SMYD2: variants seen among roughly 807,000 people sequenced by gnomAD.
SMYD2 encodes SET and MYND domain containing 2.
In SMYD2, 53 loss-of-function variants were observed where a neutral mutation model predicts 59.1. The observed-to-expected ratio is 0.90, with a 90% CI of 0.72 to 1.13. SMYD2 has a LOEUF of 1.13. SMYD2 is among the 50% of genes most tolerant of loss of function. The pLI is 0.00. For synonymous variants in SMYD2, 208 were observed against 198.8 expected (o/e 1.05, Z -0.39); for missense variants, 494 against 544.7 (o/e 0.91, Z 0.93).
intron 3 of SMYD2, among the ~76,000 whole-genome samples, chr1:214,316,449 C>G (rs777256250): frequency 6.6e-6 from 1 of 151,936 alleles, no homozygotes; most frequent in Admixed American, 6.6e-5. Context: ...CCACCATACT[C>G]CATCCAGCCT....
chr1:214,300,555 G>A (rs779074384), intron 1 of SMYD2, among the ~76,000 whole-genome samples: 29 of 152,138 alleles, frequency 1.9e-4, no homozygotes, highest in African/African-American at 5.8e-4. Flanking sequence ...CACTGGAGCC[G>A]GGGCATTATG....
At chr1:214,300,357 A>G (rs1656801918) in intron 1 of SMYD2, among the ~76,000 whole-genome samples, 1 of 152,166 alleles carries the variant, frequency 6.6e-6, no homozygotes, top group South Asian at 2.1e-4. Flanking sequence ...GGGACCTTCT[A>G]TGTACACAAT....
At chr1:214,335,829 G>A (rs1571937426) in intron 11 of SMYD2, among the ~76,000 whole-genome samples, 1 of 152,266 alleles carries the variant, frequency 6.6e-6, no homozygotes, top group South Asian at 2.1e-4. Flanking sequence ...ATGTTACATT[G>A]CCTCACTATA....
At chr1:214,291,772 C>T (rs1487101826) in intron 1 of SMYD2, among the ~76,000 whole-genome samples, 1 of 152,082 alleles carries the variant, frequency 6.6e-6, no homozygotes, top group Non-Finnish European at 1.5e-5. Context: ...GAGAGAGCTT[C>T]GATCAGATAC....
intron 1 of SMYD2, among the ~76,000 whole-genome samples, chr1:214,288,481 C>T (rs2102453096): frequency 6.6e-6 from 1 of 152,320 alleles, no homozygotes; most frequent in South Asian, 2.1e-4. Context: ...CCTGAACCTA[C>T]TGTGTGGTTC....
rs1000827406 is a variant in SMYD2 at position 214,312,478 on chromosome 1, C to A, written c.238-2284C>A. Among the ~76,000 whole-genome samples, 3 of 152,152 alleles carry A rather than the reference C, an allele frequency of 2.0e-5. No individual in the cohort carries two copies. The highest frequency in any genetic ancestry group is 4.8e-5 in the African/African-American group (2 of 41,420). On this transcript the variant is annotated intron_variant, in intron 2 of 11. Coordinates refer to ENST00000366957, the MANE Select transcript of SMYD2 (RefSeq NM_020197.3). This position sits in a 1 kb window ranked among gnomAD's most constrained non-coding sequence, Gnocchi z 4.1. ...TCAGGTGGTGAGAAGTACTAAGAAG[C>A]AGCAGAAAGCAAGGAAAGGAAGAAT...
At chr1:214,319,222 T>G (rs1016475904) in intron 5 of SMYD2, among the ~76,000 whole-genome samples, 19 of 152,204 alleles carry the variant, frequency 1.2e-4, no homozygotes, top group African/African-American at 4.6e-4. Flanking sequence ...CCTCTGCCTC[T>G]GCCTCACAAA....
chr1:214,293,344 G>A (rs1246441284), intron 1 of SMYD2, among the ~76,000 whole-genome samples: 1 of 152,086 alleles, frequency 6.6e-6, no homozygotes, highest in Non-Finnish European at 1.5e-5. Context: ...ATGAGCCACC[G>A]CACCCGGTCC....
chr1:214,281,470 G>A (rs1369122765), intron 1 of SMYD2, 43 bp downstream of exon 1: 4 of 1,270,336 alleles, frequency 3.1e-6, no homozygotes, highest in Non-Finnish European at 4.0e-6. Flanking sequence ...AGCCGGGGGC[G>A]CCGAGCGGGA....
chr1:214,315,420 TAA>T (rs79246810), intron 3 of SMYD2, among the ~76,000 whole-genome samples: 17 of 145,268 alleles, frequency 1.2e-4, no homozygotes, highest in African/African-American at 4.0e-4. Flanking sequence ...GGAAGAGAGT[TAA>T]AAAAAAAAAG....
At chr1:214,327,911 C>T (rs1323231220) in intron 7 of SMYD2, among the ~76,000 whole-genome samples, 187 bp downstream of exon 7, 1 of 152,186 alleles carries the variant, frequency 6.6e-6, no homozygotes, top group Non-Finnish European at 1.5e-5. Flanking sequence ...TTTAGATTCC[C>T]ACACTTTGGG....
intron 2 of SMYD2, 126 bp from the exon 3 acceptor site, chr1:214,314,636 C>G: frequency 4.5e-6 from 3 of 662,132 alleles, no homozygotes; most frequent in Non-Finnish European, 5.3e-6. Context: ...TGAGCATCCT[C>G]GTGTTTTCCA....
intron 7 of SMYD2, among the ~76,000 whole-genome samples, 165 bp downstream of exon 7, chr1:214,327,889 T>A (rs1657288888): frequency 6.6e-6 from 1 of 152,238 alleles, no homozygotes; most frequent in Non-Finnish European, 1.5e-5. Context: ...TGATCAGATT[T>A]GTAACCTGTA....
At position 214,312,521 on chromosome 1, in the gene SMYD2, T is replaced by A. The variant is rs1657013006; in HGVS notation, c.238-2241T>A. Among the ~76,000 whole-genome samples, 1 of 152,198 alleles carries A rather than the reference T, an allele frequency of 6.6e-6. No individual in the cohort carries two copies. Among genetic ancestry groups the A allele is most frequent in the Admixed American group, 6.5e-5 (1 of 15,290 alleles). ...GGAAGAATGATGGGGAAGTGCTCTT[T>A]CTGACAGGGTGATTGTGGCAGGTAT... is the stretch of plus-strand genomic sequence containing the variant. On this transcript the variant is annotated intron_variant, in intron 2 of 11. Coordinates refer to ENST00000366957, the MANE Select transcript of SMYD2 (RefSeq NM_020197.3). This position sits in a 1 kb window ranked among gnomAD's most constrained non-coding sequence, Gnocchi z 4.1.
chr1:214,284,267 T>TTTTC, intron 1 of SMYD2, among the ~76,000 whole-genome samples: 1 of 142,710 alleles, frequency 7.0e-6, no homozygotes, highest in African/African-American at 2.6e-5. Flanking sequence ...TTTTTTTTTT[T>TTTTC]TTTTTTTTTT....
intron 3 of SMYD2, among the ~76,000 whole-genome samples, chr1:214,315,875 G>C (rs1458620808): frequency 1.3e-5 from 2 of 152,238 alleles, no homozygotes; most frequent in African/African-American, 2.4e-5. Flanking sequence ...CATTCCCAGA[G>C]CAGGAGTTAA....
At position 214,318,218 on chromosome 1, in the gene SMYD2, G is replaced by C; in HGVS notation, c.409+79G>C. On this transcript the variant is annotated intron_variant, in intron 4 of 11. Transcript: ENST00000366957. This position sits in a 1 kb window ranked among gnomAD's most constrained non-coding sequence, Gnocchi z 5.4. ...GGTTGGGCAGGATTGAAGCGAGGACGGGCTAGTTTGTGCTCAGAGGAGTAG... is the reference window on the plus strand; with the variant it reads ...GGTTGGGCAGGATTGAAGCGAGGACCGGCTAGTTTGTGCTCAGAGGAGTAG... The C allele has an allele frequency of 7.5e-7, 1 of 1,339,062 alleles. No homozygotes were observed. Among genetic ancestry groups the C allele is most frequent in the Non-Finnish European group, 1.1e-6 (1 of 948,904 alleles). The allele number at this position is 1,339,062 out of a possible 1,614,324, so 82.9% of individuals were successfully genotyped here. A position where few individuals can be genotyped will look rare whatever the true frequency, so the allele number is the denominator to read the frequency against.
chr1:214,332,356 C>T (rs988522680), intron 10 of SMYD2, 164 bp downstream of exon 10: 13 of 751,290 alleles, frequency 1.7e-5, no homozygotes, highest in Non-Finnish European at 1.9e-5. Flanking sequence ...GCTCCCGAGT[C>T]AGGCCTGTTC....
At chr1:214,293,952 AG>A (rs1358461691) in intron 1 of SMYD2, among the ~76,000 whole-genome samples, 1 of 150,514 alleles carries the variant, frequency 6.6e-6, no homozygotes, top group Non-Finnish European at 1.5e-5. Context: ...CTGGGATTAC[AG>A]GCATGAGCCA....
Sources: gnomAD v4.1 joint callset for allele counts (sites outside exome capture counted in the v4.1 genomes callset) on GRCh38, gnomAD v4.1.1 for gene constraint, Gnocchi (gnomAD v3.1) non-coding constraint, MANE v1.5 for transcripts, NCBI Gene and HGNC (gene_info 2026-07-23, HGNC 2026-07-21) for gene names.